Variants in COBL observed in about 807,000 individuals in gnomAD.
COBL encodes the protein cordon-bleu WH2 repeat protein, also known as protein cordon-bleu.
In COBL, 51 loss-of-function variants were observed where a neutral mutation model predicts 98.8. That is an observed-to-expected ratio of 0.52 (90% CI 0.41 to 0.65). COBL has a LOEUF of 0.65. Ranked by LOEUF, COBL falls within the 30% of genes least tolerant of loss-of-function variation. COBL has a pLI of 0.00. For synonymous variants in COBL, 634 were observed against 651.7 expected (o/e 0.97, Z 0.41); for missense variants, 1,617 against 1,617.5 (o/e 1.00, Z 0.01).
rs556033105 is a variant in COBL, at chr7:51,134,921, A to G, written c.957+1237T>C. Among the ~76,000 whole-genome samples, 3 of 152,334 alleles carry G rather than the reference A, an allele frequency of 2.0e-5. No homozygotes were observed. In the East Asian group the frequency reaches 5.8e-4, roughly 29 times the overall value. The stretch of plus-strand genomic sequence containing the variant: ...GCTAATATATCATGAAGAACTCAAA[A>G]TAAGTCAGTTACATTAGGATATATG... On this transcript the variant is annotated intron_variant, in intron 6 of 12. Transcript: ENST00000265136.
chr7:51,181,916 G>A (rs1275075424), intron 5 of COBL, among the ~76,000 whole-genome samples: 1 of 152,216 alleles, frequency 6.6e-6, no homozygotes, highest in Non-Finnish European at 1.5e-5. Flanking sequence ...CTTCACTGCT[G>A]TGTTGCCAGA....
intron 3 of COBL, among the ~76,000 whole-genome samples, chr7:51,191,594 C>CT (rs1790123353): frequency 6.6e-6 from 1 of 151,036 alleles, no homozygotes; most frequent in Non-Finnish European, 1.5e-5. Flanking sequence ...TATATACACA[C>CT]ATATATGAAA....
chr7:51,025,119 C>T lies in COBL; in HGVS notation c.3758G>A (p.Arg1253Lys). 6.2e-7 allele frequency: 1 copy of T among 1,611,984 alleles called. No homozygotes were observed. Residue 1253 changes from arginine to lysine, a missense_variant, in exon 12 of 13, where the codon AGA becomes AAA. Physicochemically the swap from Arg to Lys is conservative, Grantham distance 26 (BLOSUM62 2). This residue lies in a region of COBL where 1,304 missense variants were observed against 1,282.0 expected (regional missense o/e 1.02). Coordinates refer to ENST00000265136, the MANE Select transcript of COBL (RefSeq NM_015198.5). ...DAIRSGTGAA[R>K]LRKVPLLV ...CACAGTCGCCATCACCTTTCTCAGT[C>T]TCGCAGCCCCTGTGCCGGAGCGGAT... is the stretch of plus-strand genomic sequence containing the variant.
rs753398532 is a variant in COBL, at chr7:51,219,772, C to T, written c.214G>A (p.Gly72Arg). 5 of 1,614,154 alleles carry T rather than the reference C, an allele frequency of 3.1e-6. No individual in the cohort carries two copies. The highest frequency in any genetic ancestry group is 1.1e-5 in the South Asian group (1 of 91,080). The change falls in exon 2 of 13, where the codon GGG (glycine) becomes AGG (arginine). Residue 72 changes from glycine to arginine, a missense_variant. Transcript: ENST00000265136. ...TMDVTVVLPS[G>R]LEKRSVLNGS... ...TTGAGCACGCTCCTCTTCTCCAGCC[C>T]ACTAGGCAGGACCACGGTGACGTCC...
chr7:51,275,769 G>A (rs539666414), intron 1 of COBL, among the ~76,000 whole-genome samples: 29 of 152,316 alleles, frequency 1.9e-4, no homozygotes, highest in African/African-American at 7.0e-4. Flanking sequence ...CCAGAAGGCT[G>A]GCGATTCCAC....
At chr7:51,181,322 T>C (rs1226571208) in intron 5 of COBL, among the ~76,000 whole-genome samples, 2 of 152,234 alleles carry the variant, frequency 1.3e-5, no homozygotes, top group South Asian at 2.1e-4. Context: ...GTGGTGGTCA[T>C]GTCCCACACC....
chr7:51,209,506 C>T (rs2129075184), intron 2 of COBL, among the ~76,000 whole-genome samples: 1 of 152,240 alleles, frequency 6.6e-6, no homozygotes, highest in Admixed American at 6.5e-5. Flanking sequence ...GGGTAAAAAC[C>T]TTCAACTCAA....
chr7:51,120,570 C>T (rs989303514), intron 6 of COBL, among the ~76,000 whole-genome samples: 1 of 152,060 alleles, frequency 6.6e-6, no homozygotes, highest in Admixed American at 6.5e-5. Context: ...ATTGTTGTGC[C>T]ACCAATCTCC....
At chr7:51,280,665 G>T (rs1053342257) in intron 1 of COBL, among the ~76,000 whole-genome samples, 2 of 152,170 alleles carry the variant, frequency 1.3e-5, no homozygotes, top group Admixed American at 6.5e-5. Flanking sequence ...CTTTGGAGAG[G>T]GAGGAACAAC....
chr7:51,119,486 A>G (rs908409477), intron 6 of COBL, among the ~76,000 whole-genome samples: 7 of 152,196 alleles, frequency 4.6e-5, no homozygotes, highest in Non-Finnish European at 1.0e-4. Flanking sequence ...GAGGGAGCGA[A>G]GCTGTGTTCA....
chr7:51,175,692 T>C (rs1788300441), intron 5 of COBL, among the ~76,000 whole-genome samples: 1 of 152,228 alleles, frequency 6.6e-6, no homozygotes, highest in African/African-American at 2.4e-5. Flanking sequence ...AATATTCCTC[T>C]CCTAAGTACT....
intron 7 of COBL, among the ~76,000 whole-genome samples, chr7:51,045,927 C>T (rs1046687334): frequency 1.1e-4 from 17 of 152,148 alleles, no homozygotes; most frequent in Admixed American, 3.9e-4. Flanking sequence ...ATGACTAATG[C>T]GAGTGCTATT....
chr7:51,106,978 G>A (rs1397570741), intron 6 of COBL, among the ~76,000 whole-genome samples: 1 of 151,204 alleles, frequency 6.6e-6, no homozygotes, highest in Non-Finnish European at 1.5e-5. Context: ...ATAAATTTAT[G>A]ATACAAAGTT....
In COBL at chr7:51,081,086, G is replaced by A. The variant is rs138722471; in HGVS notation, c.1096+4080C>T. 1.2e-3 allele frequency among the ~76,000 whole-genome samples: 184 copies of A among 151,116 alleles called. 2 individuals are homozygous for A. The East Asian group carries it at 0.03, about 25-fold the overall frequency. On this transcript the variant is annotated intron_variant, in intron 7 of 12. Coordinates refer to ENST00000265136, the MANE Select transcript of COBL (RefSeq NM_015198.5). Reference sequence around the variant, plus strand: ...ATGTGGTGCGCTGGCAGCCAGGAGCGCGGGGCAGGAGCGGGGCAGGAGAGG... The same window carrying A: ...ATGTGGTGCGCTGGCAGCCAGGAGCACGGGGCAGGAGCGGGGCAGGAGAGG...
At chr7:51,148,044 GAGCCACCACACCC>G (rs1406462997) in intron 5 of COBL, among the ~76,000 whole-genome samples, 1 of 152,096 alleles carries the variant, frequency 6.6e-6, no homozygotes, top group Non-Finnish European at 1.5e-5. Flanking sequence ...TTACAGGTGT[GAGCCACCACACCC>G]AGCCACATTG....
At chr7:51,132,180 C>T (rs1001877363) in intron 6 of COBL, among the ~76,000 whole-genome samples, 1 of 152,234 alleles carries the variant, frequency 6.6e-6, no homozygotes, top group East Asian at 1.9e-4. Context: ...GGGCCATGGA[C>T]CCTTCATTCC....
chr7:51,132,331 C>T (rs985430719), intron 6 of COBL, among the ~76,000 whole-genome samples: 6 of 152,230 alleles, frequency 3.9e-5, no homozygotes, highest in African/African-American at 1.2e-4. Flanking sequence ...CATCCAAGCT[C>T]CCATTTCTAC....
At chr7:51,143,508 G>T (rs1395677090) in intron 5 of COBL, among the ~76,000 whole-genome samples, 4 of 152,096 alleles carry the variant, frequency 2.6e-5, no homozygotes, top group East Asian at 1.9e-4. Context: ...CAAGTATTTC[G>T]TGTTAAGTGG....
intron 7 of COBL, among the ~76,000 whole-genome samples, chr7:51,080,644 A>G (rs1024350414): frequency 6.6e-6 from 1 of 152,200 alleles, no homozygotes; most frequent in African/African-American, 2.4e-5. Flanking sequence ...CTCCCCTATA[A>G]ACACAGCGTT....
Sources: gnomAD v4.1 joint callset for allele counts (sites outside exome capture counted in the v4.1 genomes callset) on GRCh38, gnomAD v4.1.1 for gene constraint, gnomAD v4.1.1 regional missense constraint, MANE v1.5 for transcripts, NCBI Gene and HGNC (gene_info 2026-07-23, HGNC 2026-07-21) for gene names.